The following DMD variants were observed in gnomAD, a reference collection of about 807,000 sequenced individuals.
DMD encodes mutant dystrophin.
A neutral mutation model predicts 330.1 loss-of-function variants in DMD; 63 were observed. The observed-to-expected ratio is 0.19, with a 90% CI of 0.16 to 0.24. The LOEUF is 0.24. Among genes scored for constraint, DMD ranks in the 10% least tolerant of loss-of-function variants. DMD has a pLI of 1.00. For synonymous variants in DMD, 1,223 were observed against 959.8 expected (o/e 1.27, Z -5.07); for missense variants, 3,344 against 2,684.1 (o/e 1.25, Z -5.43).
intron 44 of DMD, among the ~76,000 whole-genome samples, chrX:32,160,194 T>C (rs1450168742): frequency 9.3e-6 from 1 of 107,367 alleles, no homozygotes; most frequent in Non-Finnish European, 1.9e-5. Context: ...GAACATTTAT[T>C]GCATTCCAAC....
intron 18 of DMD, among the ~76,000 whole-genome samples, chrX:32,516,289 T>C (rs1200001963): frequency 2.7e-5 from 3 of 111,705 alleles, no homozygotes; most frequent in Non-Finnish European, 5.7e-5. Flanking sequence ...GAGGGAAACA[T>C]CAAGGTAAAT....
At chrX:32,569,945 C>A in intron 15 of DMD, among the ~76,000 whole-genome samples, 1 of 111,530 alleles carries the variant, frequency 9.0e-6, no homozygotes, top group Admixed American at 9.6e-5. Flanking sequence ...CTCATAAAAG[C>A]TACTGTTTCT....
At chrX:33,299,765 C>G (rs2053635524) in intron 1 of DMD, among the ~76,000 whole-genome samples, 1 of 111,594 alleles carries the variant, frequency 9.0e-6, no homozygotes, top group African/African-American at 3.3e-5. Flanking sequence ...ACTTTTCCTC[C>G]ATGCCATTTT....
chrX:31,915,863 G>C (rs1255944047), intron 47 of DMD, among the ~76,000 whole-genome samples: 1 of 111,666 alleles, frequency 9.0e-6, no homozygotes, highest in Non-Finnish European at 1.9e-5. Flanking sequence ...TGCAAGGTGT[G>C]GTAGATTGCA....
At chrX:33,152,548 C>A (rs1338258985) in intron 1 of DMD, among the ~76,000 whole-genome samples, 4 of 105,052 alleles carry the variant, frequency 3.8e-5, no homozygotes, top group African/African-American at 1.4e-4. Context: ...TTTTTTTTTT[C>A]TTCAGGATAC....
At chrX:32,515,303 A>T (rs1238557730) in intron 18 of DMD, among the ~76,000 whole-genome samples, 1 of 111,593 alleles carries the variant, frequency 9.0e-6, no homozygotes, top group Non-Finnish European at 1.9e-5. Flanking sequence ...CGAGGTACCT[A>T]TACTCTGGGT....
chrX:31,986,741 AC>A (rs1268195101), intron 44 of DMD, among the ~76,000 whole-genome samples: 2 of 112,196 alleles, frequency 1.8e-5, no homozygotes, highest in Admixed American at 9.4e-5. Context: ...GTATTTTCAA[AC>A]TTTTCTACAC....
intron 13 of DMD, among the ~76,000 whole-genome samples, chrX:32,577,656 G>A (rs12688970): frequency 7.1e-5 from 8 of 112,057 alleles, no homozygotes; most frequent in African/African-American, 2.6e-4. Context: ...AAATCTTTAC[G>A]AATAAATGTT....
At chrX:32,666,781 T>G (rs1404346519) in intron 9 of DMD, among the ~76,000 whole-genome samples, 2 of 105,598 alleles carry the variant, frequency 1.9e-5, no homozygotes, top group African/African-American at 7.0e-5. Flanking sequence ...GAGCTGAAAT[T>G]GGGTCAATGA....
chrX:33,107,497 A>C (rs1032532890), intron 1 of DMD, among the ~76,000 whole-genome samples: 6 of 111,459 alleles, frequency 5.4e-5, no homozygotes, highest in Non-Finnish European at 5.7e-5. Flanking sequence ...GGAAATAATA[A>C]ATTTAAATCA....
At chrX:33,242,644 C>T (rs1355277169) in intron 1 of DMD, among the ~76,000 whole-genome samples, 1 of 111,700 alleles carries the variant, frequency 9.0e-6, no homozygotes, top group Non-Finnish European at 1.9e-5. Context: ...GGTAGTTCTA[C>T]TTTTAGTTAT....
At chrX:32,423,217 C>T (rs902962760) in intron 29 of DMD, among the ~76,000 whole-genome samples, 1 of 104,675 alleles carries the variant, frequency 9.6e-6, no homozygotes, top group Non-Finnish European at 1.9e-5. Context: ...GTTATTCCAA[C>T]TTTATTATTC....
At chrX:32,285,705 G>C (rs1050466857) in intron 43 of DMD, among the ~76,000 whole-genome samples, 5 of 110,669 alleles carry the variant, frequency 4.5e-5, no homozygotes, top group African/African-American at 9.8e-5. Flanking sequence ...TTTTTGTTTT[G>C]TTTTGTTTTG....
At chrX:32,287,747 CTA>C (rs1478477069) in intron 42 of DMD, 46 bp from the exon 43 acceptor site, 10 of 910,531 alleles carry the variant, frequency 1.1e-5, no homozygotes, top group Non-Finnish European at 1.3e-5. Context: ...AATTAGCTGT[CTA>C]TAGAAAGAGA....
At chrX:32,892,327 T>C (rs1380004388) in intron 2 of DMD, among the ~76,000 whole-genome samples, 1 of 112,330 alleles carries the variant, frequency 8.9e-6, no homozygotes, top group East Asian at 2.8e-4. Flanking sequence ...CCGAGGAGCT[T>C]TTAAATCTGT....
chrX:31,178,645 T>A, intron 70 of DMD, 24 bp downstream of exon 70: 1 of 1,197,377 alleles, frequency 8.4e-7, no homozygotes, highest in Non-Finnish European at 1.1e-6. Flanking sequence ...AACAAGAGTG[T>A]GTTCTGCTTT....
intron 3 of DMD, among the ~76,000 whole-genome samples, chrX:32,848,170 C>G (rs1324925300): frequency 8.9e-6 from 1 of 111,874 alleles, no homozygotes; most frequent in Admixed American, 9.5e-5. Flanking sequence ...AGCCTCCTAA[C>G]AGAGGGCCAG....
chrX:31,688,356 C>T (rs919718988), intron 52 of DMD, among the ~76,000 whole-genome samples: 2 of 110,773 alleles, frequency 1.8e-5, no homozygotes, highest in Admixed American at 9.6e-5. Flanking sequence ...CGCAAATAAA[C>T]TAGAAAATCT....
chrX:32,810,053 G>A (rs1334894466), intron 6 of DMD, among the ~76,000 whole-genome samples: 1 of 110,160 alleles, frequency 9.1e-6, no homozygotes, highest in South Asian at 4.0e-4. Context: ...GCCCAGGGAG[G>A]TTGAGGGTTC....
Sources: gnomAD v4.1 joint callset for allele counts (sites outside exome capture counted in the v4.1 genomes callset) on GRCh38, gnomAD v4.1.1 for gene constraint, MANE v1.5 for transcripts, NCBI Gene and HGNC (gene_info 2026-07-23, HGNC 2026-07-21) for gene names.